Variants in CRTAP observed in about 807,000 individuals in gnomAD.
CRTAP encodes cartilage-associated protein.
A neutral mutation model predicts 42.7 loss-of-function variants in CRTAP; 33 were observed. The observed-to-expected ratio is 0.77, with a 90% CI of 0.59 to 1.03. CRTAP has a LOEUF of 1.03. CRTAP is among the 50% of genes least tolerant of loss of function. The pLI is 0.00. For missense variants in CRTAP, 613 were observed against 533.9 expected, an observed-to-expected ratio of 1.15 and a Z score of -1.46; for synonymous variants, 243 against 217.7, an observed-to-expected ratio of 1.12 and a Z score of -1.02.
At chr3:33,129,894 A>G (rs746800696) in intron 3 of CRTAP, 45 bp from the exon 4 acceptor site, 2 of 1,591,778 alleles carry the variant, frequency 1.3e-6, no homozygotes, top group South Asian at 2.2e-5. Flanking sequence ...CATATTAAGA[A>G]AGTAATGGAT....
intron 1 of CRTAP, among the ~76,000 whole-genome samples, chr3:33,115,655 T>C (rs1383441268): frequency 6.6e-6 from 1 of 152,230 alleles, no homozygotes; most frequent in Non-Finnish European, 1.5e-5. Flanking sequence ...TTGTGTTTTT[T>C]AAAATTACTA....
At chr3:33,129,402 AT>A in intron 3 of CRTAP, among the ~76,000 whole-genome samples, 1 of 152,090 alleles carries the variant, frequency 6.6e-6, no homozygotes, top group East Asian at 1.9e-4. Context: ...TTTTTTAGAC[AT>A]TTTAATAATT....
In CRTAP at chr3:33,134,362, A is replaced by G. The variant is rs58617854; in HGVS notation, c.1152+97A>G. On this transcript the variant is annotated intron_variant, in intron 6 of 6. Transcript: ENST00000320954. ...GGAAGGCTGAGTCCTCCCTGAAGTA[A>G]GAAACAGAGGGGACCTTGAGAAAGA... is the stretch of plus-strand genomic sequence containing the variant. The G allele has an allele frequency of 0.39, 328,931 of 834,954 alleles. 68,628 individuals are homozygous for G. The highest frequency in any genetic ancestry group is 0.51 in the Middle Eastern group (2,283 of 4,466). The allele number at this position is 834,954 out of a possible 1,614,324, so 51.7% of individuals were successfully genotyped here.
intron 6 of CRTAP, among the ~76,000 whole-genome samples, chr3:33,138,960 G>A (rs892012287): frequency 1.3e-4 from 20 of 152,034 alleles, no homozygotes; most frequent in African/African-American, 3.6e-4. Context: ...CTGGCCAATC[G>A]GTCGAAATCT....
intron 6 of CRTAP, 27 bp from the exon 7 acceptor site, chr3:33,142,368 A>G (rs985203480): frequency 8.1e-6 from 13 of 1,606,388 alleles, no homozygotes; most frequent in Non-Finnish European, 9.4e-6. Flanking sequence ...AGCCCATTTA[A>G]TAAAGTTGTC....
chr3:33,120,232 T>C, intron 1 of CRTAP, 112 bp from the exon 2 acceptor site: 1 of 992,878 alleles, frequency 1.0e-6, no homozygotes, highest in Non-Finnish European at 1.6e-6. Flanking sequence ...AACCTTTAGC[T>C]GGAAAAGTTA....
rs35357409 is a variant in CRTAP, at chr3:33,120,430, A to T, written c.558A>T (p.Ala186=). The change falls in exon 2 of 7, where the codon GCA becomes GCT. Residue 186 remains alanine (A), a synonymous_variant. Transcript: ENST00000320954. ...PDDEMMKRNM[A]YYKSLPGAED... is the part of the protein sequence containing the mutation. ...ACGAAATGATGAAGAGGAACATGGC[A>T]TATTATAAGAGCCTGCCTGGTGCCG... is the stretch of plus-strand genomic sequence containing the variant. 14 of 1,613,166 alleles carry T rather than the reference A, an allele frequency of 8.7e-6. 1 individual carries two copies. In the Admixed American group the frequency reaches 1.3e-4, roughly 15 times the overall value.
chr3:33,133,640 A>G (rs2030337787), intron 5 of CRTAP, among the ~76,000 whole-genome samples: 1 of 144,006 alleles, frequency 6.9e-6, no homozygotes, highest in South Asian at 2.3e-4. Flanking sequence ...ACAAGGTCAT[A>G]TTTACATAGT....
At position 33,146,342 on chromosome 3, in the gene CRTAP, G is replaced by C. The variant is rs2030723005; in HGVS notation, c.*3894G>C. ...GGCTGGTGGGGAGGCCGCCCATCGTGGTGGGGCATCTGTCCAGCCCCATTG... is the reference window on the plus strand; with the variant it reads ...GGCTGGTGGGGAGGCCGCCCATCGTCGTGGGGCATCTGTCCAGCCCCATTG... On this transcript the variant is annotated 3_prime_UTR_variant, in exon 7 of 7. Coordinates refer to ENST00000320954, the MANE Select transcript of CRTAP (RefSeq NM_006371.5). The C allele has an allele frequency of 6.6e-6, 1 of 152,490 alleles. No homozygotes were observed. Among genetic ancestry groups the C allele is most frequent in the South Asian group, 2.1e-4 (1 of 4,830 alleles). The allele number at this position is 152,490 out of a possible 1,614,324, so 9.4% of individuals were successfully genotyped here.
chr3:33,142,351 G>A, intron 6 of CRTAP, 44 bp from the exon 7 acceptor site: 1 of 1,544,878 alleles, frequency 6.5e-7, no homozygotes, highest in South Asian at 1.1e-5. Context: ...ACTTTTAAAA[G>A]TCCAATAGCC....
intron 6 of CRTAP, among the ~76,000 whole-genome samples, chr3:33,134,802 C>T (rs113973588): frequency 6.6e-5 from 10 of 152,076 alleles, no homozygotes; most frequent in African/African-American, 2.4e-5. Flanking sequence ...CCATCATTAG[C>T]GGTAGTATTT....
In CRTAP at chr3:33,132,652, CCACA is replaced by C. The variant is rs2030301269; in HGVS notation, c.1021_1024del (p.His341GlyfsTer23). On this transcript the variant is annotated frameshift_variant, in exon 5 of 7. Coordinates refer to ENST00000320954, the MANE Select transcript of CRTAP (RefSeq NM_006371.5). LOFTEE classifies it high-confidence loss of function. ...AGCAGAACCTGGTGTATTACCAGTA[CCACA>C]GGGACACTTGGGGCCTCTCGGATGA... The C allele has an allele frequency of 6.2e-7, 1 of 1,614,034 alleles. No individual in the cohort carries two copies. The highest frequency in any genetic ancestry group is 8.5e-7 in the Non-Finnish European group (1 of 1,179,986).
At position 33,132,633 on chromosome 3, in the gene CRTAP, A is replaced by C; in HGVS notation, c.1001A>C (p.Asn334Thr). ...CAGAATGACAAGGTCATGCAGCAGA[A>C]CCTGGTGTATTACCAGTACCACAGG... is the stretch of plus-strand genomic sequence containing the variant. The part of the protein sequence containing the change: ...FDQNDKVMQQ[N>T]LVYYQYHRDT... Residue 334 changes from asparagine to threonine, a missense_variant, in exon 5 of 7, where the codon AAC becomes ACC. Asn to Thr is a moderately conservative substitution (Grantham distance 65, BLOSUM62 0). Coordinates refer to ENST00000320954, the MANE Select transcript of CRTAP (RefSeq NM_006371.5). 1 of 1,614,164 alleles carries C rather than the reference A, an allele frequency of 6.2e-7. No individual in the cohort carries two copies. Among genetic ancestry groups the C allele is most frequent in the South Asian group, 1.1e-5 (1 of 91,080 alleles).
At chr3:33,116,969 TGGTGGCGTGCC>T (rs1239883636) in intron 1 of CRTAP, among the ~76,000 whole-genome samples, 1 of 151,948 alleles carries the variant, frequency 6.6e-6, no homozygotes, top group East Asian at 1.9e-4. Context: ...TAGCCGGGTG[TGGTGGCGTGCC>T]TTTCTAGTTT....
chr3:33,114,216 G>A lies in CRTAP; in HGVS notation c.139G>A (p.Ala47Thr), dbSNP rs1258831269. Residue 47 changes from alanine (A) to threonine (T), a missense_variant, in exon 1 of 7, where the codon GCC (alanine) becomes ACC (threonine). By Grantham distance (58) the Ala-to-Thr change is moderately conservative. Coordinates refer to ENST00000320954, the MANE Select transcript of CRTAP (RefSeq NM_006371.5). ...PRDELMPLES[A>T]YRHALDKYSG... is the part of the protein sequence containing the mutation. ...GGACGAGCTGATGCCGCTCGAGTCG[G>A]CCTACCGGCACGCGCTGGACAAGTA... 2.4e-5 allele frequency: 38 copies of A among 1,593,046 alleles called. No individual in the cohort carries two copies. Among genetic ancestry groups the A allele is most frequent in the Non-Finnish European group, 3.2e-5 (38 of 1,175,934 alleles).
Position 33,114,312 on chromosome 3 carries a change from G to T in CRTAP, c.235G>T (p.Asp79Tyr), listed in dbSNP as rs375833342. 7 of 1,551,400 alleles carry T rather than the reference G, an allele frequency of 4.5e-6. No individual in the cohort carries two copies. The highest frequency in any genetic ancestry group is 1.9e-5 in the Admixed American group (1 of 53,286). ...CCTGCGGCTGCACCGCTTGCTGCGCGACAGCGAGGCCTTCTGCCACCGCAA... is the reference window on the plus strand; with the variant it reads ...CCTGCGGCTGCACCGCTTGCTGCGCTACAGCGAGGCCTTCTGCCACCGCAA... ...ISLRLHRLLR[D>Y]SEAFCHRNCS... The change falls in exon 1 of 7, where the codon GAC (aspartate) becomes TAC (tyrosine). Residue 79 changes from aspartate (D) to tyrosine (Y), a missense_variant. By Grantham distance (160) the Asp-to-Tyr change is radical. Coordinates refer to ENST00000320954, the MANE Select transcript of CRTAP (RefSeq NM_006371.5).
chr3:33,142,394 G>A lies in CRTAP; in HGVS notation c.1153-1G>A. 1 of 1,613,902 alleles carries A rather than the reference G, an allele frequency of 6.2e-7. No individual in the cohort carries two copies. The highest frequency in any genetic ancestry group is 1.1e-5 in the South Asian group (1 of 91,068). Reference sequence around the variant, plus strand: ...TAAAGTTGTCCTGTTGTCTCTTACAGGGAGAAGTTGTGGAATATGTGGATG... The same window carrying A: ...TAAAGTTGTCCTGTTGTCTCTTACAAGGAGAAGTTGTGGAATATGTGGATG... On this transcript the variant is annotated splice_acceptor_variant, in intron 6 of 6. Transcript: ENST00000320954. LOFTEE classifies it high-confidence loss of function.
At chr3:33,115,908 G>A (rs1480570249) in intron 1 of CRTAP, among the ~76,000 whole-genome samples, 1 of 151,436 alleles carries the variant, frequency 6.6e-6, no homozygotes, top group Non-Finnish European at 1.5e-5. Context: ...TTTTGTGAAT[G>A]TTTGTTCTGG....
chr3:33,132,948 C>T (rs551361906), intron 5 of CRTAP, among the ~76,000 whole-genome samples: 4 of 151,974 alleles, frequency 2.6e-5, no homozygotes, highest in South Asian at 2.1e-4. Context: ...CGTGGTGGCA[C>T]GTGGCTGTAG....
Sources: allele counts gnomAD v4.1 joint callset (sites outside exome capture counted in the v4.1 genomes callset), GRCh38; gene constraint gnomAD v4.1.1; transcripts MANE v1.5; gene names NCBI Gene and HGNC (gene_info 2026-07-23, HGNC 2026-07-21).